RPA1: variants seen among roughly 807,000 people sequenced by gnomAD.
RPA1 encodes replication protein A1, also known as replication protein A 70 kDa DNA-binding subunit.
Under a neutral mutation model 83.0 loss-of-function variants are expected in RPA1, and 49 were observed. That is an observed-to-expected ratio of 0.59 (90% CI 0.47 to 0.75). RPA1 has a LOEUF of 0.75. Ranked by LOEUF, RPA1 falls within the 30% of genes least tolerant of loss-of-function variation. The probability of loss-of-function intolerance (pLI) is 0.00; values close to 1 mark genes in which losing one functional copy is unlikely to be tolerated. For missense variants in RPA1, 693 were observed against 776.1 expected, an observed-to-expected ratio of 0.89 and a Z score of 1.27; for synonymous variants, 279 against 281.8, an observed-to-expected ratio of 0.99 and a Z score of 0.10.
At chr17:1,875,922 CTTTTTTTT>C in intron 7 of RPA1, 129 bp downstream of exon 7, 2 of 541,868 alleles carry the variant, frequency 3.7e-6, no homozygotes, top group Non-Finnish European at 5.3e-6. Context: ...TGGGTTTACT[CTTTTTTTT>C]TTTTTTTTTT....
chr17:1,870,991 C>T (rs1171377944), intron 5 of RPA1, among the ~76,000 whole-genome samples: 3 of 152,168 alleles, frequency 2.0e-5, no homozygotes, highest in Non-Finnish European at 4.4e-5. Flanking sequence ...TTTCCAGCCA[C>T]TTAGCCCCAA....
intron 5 of RPA1, 63 bp downstream of exon 5, chr17:1,853,252 T>G: frequency 7.9e-7 from 1 of 1,265,912 alleles, no homozygotes; most frequent in Non-Finnish European, 1.2e-6. Context: ...TTCGGAGTTC[T>G]ACCTTTTGGA....
chr17:1,845,168 G>GTC (rs72406974), intron 4 of RPA1, among the ~76,000 whole-genome samples: 29,688 of 115,978 alleles, frequency 0.26, 2,970 homozygotes, highest in Admixed American at 0.31. Context: ...TGCTTTGTGT[G>GTC]TGTGTGTGTG....
chr17:1,834,725 A>T (rs1911747407), intron 1 of RPA1, among the ~76,000 whole-genome samples: 1 of 152,210 alleles, frequency 6.6e-6, no homozygotes, highest in African/African-American at 2.4e-5. Context: ...AGTAGTCAGT[A>T]CTTAAGTAAC....
chr17:1,898,818 C>A lies in RPA1; in HGVS notation c.*1643C>A, dbSNP rs564356731. ...CTGACTGAGGCCTCAGCCATTTTTA[C>A]GGAAGTTCTTTTCTGTCTGACCTTG... On this transcript the variant is annotated 3_prime_UTR_variant, in exon 17 of 17. Coordinates refer to ENST00000254719, the MANE Select transcript of RPA1 (RefSeq NM_002945.5). 6.6e-6 allele frequency: 1 copy of A among 152,404 alleles called. No individual in the cohort carries two copies. Among genetic ancestry groups the A allele is most frequent in the African/African-American group, 2.4e-5 (1 of 41,580 alleles). 9.4% of individuals were successfully genotyped at this position (152,404 alleles called of 1,614,324 possible).
chr17:1,839,418 C>A (rs185192183), intron 1 of RPA1, among the ~76,000 whole-genome samples: 3 of 150,192 alleles, frequency 2.0e-5, no homozygotes, highest in Non-Finnish European at 4.4e-5. Context: ...CTCCACCTCT[C>A]GGGTTCAAGC....
chr17:1,883,750 T>C (rs1913888359), intron 12 of RPA1, 62 bp from the exon 13 acceptor site: 2 of 1,604,674 alleles, frequency 1.2e-6, no homozygotes, highest in African/African-American at 1.3e-5. Context: ...GCAAGTTGCA[T>C]GTGGAGAAGC....
intron 6 of RPA1, among the ~76,000 whole-genome samples, chr17:1,872,965 G>C (rs1913434968): frequency 6.6e-6 from 1 of 151,884 alleles, no homozygotes; most frequent in South Asian, 2.1e-4. Flanking sequence ...TGTGAGCCAG[G>C]GTGTCCAGCC....
At chr17:1,894,397 C>T (rs1246796131) in intron 15 of RPA1, among the ~76,000 whole-genome samples, 1 of 152,168 alleles carries the variant, frequency 6.6e-6, no homozygotes, top group Non-Finnish European at 1.5e-5. Context: ...GAACTCCCAA[C>T]CTCAAGTGAT....
chr17:1,873,250 C>G (rs1032133509), intron 6 of RPA1, among the ~76,000 whole-genome samples: 1 of 152,144 alleles, frequency 6.6e-6, no homozygotes, highest in South Asian at 2.1e-4. Flanking sequence ...GTCATAGGTT[C>G]TCCTTCTCAA....
At chr17:1,878,940 G>A (rs944616448) in intron 8 of RPA1, 53 bp from the exon 9 acceptor site, 6 of 1,572,566 alleles carry the variant, frequency 3.8e-6, no homozygotes, top group Non-Finnish European at 5.3e-6. Context: ...CTTGGGTGCT[G>A]GGGTGGCCTG....
intron 6 of RPA1, among the ~76,000 whole-genome samples, chr17:1,874,461 G>A (rs1175892755): frequency 6.6e-6 from 1 of 152,166 alleles, no homozygotes; most frequent in Non-Finnish European, 1.5e-5. Flanking sequence ...AGCTAAGATC[G>A]TGCCACCTGC....
chr17:1,890,068 G>A (rs1914147985), intron 14 of RPA1, among the ~76,000 whole-genome samples: 1 of 151,880 alleles, frequency 6.6e-6, no homozygotes, highest in Non-Finnish European at 1.5e-5. Context: ...TATATCAGAA[G>A]CCTGAAAAAT....
intron 13 of RPA1, among the ~76,000 whole-genome samples, chr17:1,885,039 C>A (rs1913941607): frequency 6.6e-6 from 1 of 152,170 alleles, no homozygotes; most frequent in South Asian, 2.1e-4. Context: ...CAAAAGCTTT[C>A]TCCATAGCCG....
At chr17:1,866,134 C>G (rs983912693) in intron 5 of RPA1, among the ~76,000 whole-genome samples, 1 of 152,000 alleles carries the variant, frequency 6.6e-6, no homozygotes, top group Admixed American at 6.5e-5. Flanking sequence ...CCTAGCCACC[C>G]GGGAGGCTGA....
At chr17:1,878,917 T>C in intron 8 of RPA1, 76 bp from the exon 9 acceptor site, 2 of 1,414,820 alleles carry the variant, frequency 1.4e-6, no homozygotes, top group South Asian at 2.3e-5. Context: ...GCCTGTGTTC[T>C]ATCCCAGTGT....
chr17:1,891,345 G>C (rs952046043), intron 14 of RPA1, among the ~76,000 whole-genome samples: 2 of 152,136 alleles, frequency 1.3e-5, no homozygotes, highest in Non-Finnish European at 2.9e-5. Context: ...CTCCTCCTAG[G>C]AACTACAGAG....
chr17:1,893,895 A>T (rs535756243), intron 15 of RPA1, among the ~76,000 whole-genome samples: 1 of 152,020 alleles, frequency 6.6e-6, no homozygotes, highest in East Asian at 1.9e-4. Flanking sequence ...GTCTTGCCTC[A>T]TCACCCATGT....
In RPA1 at chr17:1,880,814, T is replaced by TG. The variant is rs1913765073; in HGVS notation, c.1241+124dup. Reference sequence around the variant, plus strand: ...TCGTCCCTGAGTGGTGCAGCTTCCGTGTTTCTTGAAGGCATTATGCCTTCT... The same window carrying TG: ...TCGTCCCTGAGTGGTGCAGCTTCCGTGGTTTCTTGAAGGCATTATGCCTTCT... On this transcript the variant is annotated intron_variant, in intron 12 of 16. Transcript: ENST00000254719. The TG allele has an allele frequency of 1.6e-5, 22 of 1,368,782 alleles. No homozygotes were observed. In the South Asian group the frequency reaches 2.8e-4, roughly 17 times the overall value. 84.8% of individuals were successfully genotyped at this position (1,368,782 alleles called of 1,614,324 possible). A position where few individuals can be genotyped will look rare whatever the true frequency, so the allele number is the denominator to read the frequency against.
Sources: allele counts gnomAD v4.1 joint callset (sites outside exome capture counted in the v4.1 genomes callset), GRCh38; gene constraint gnomAD v4.1.1; transcripts MANE v1.5; gene names NCBI Gene and HGNC (gene_info 2026-07-23, HGNC 2026-07-21).